The following HS3ST5 variants were observed in gnomAD, a reference collection of about 807,000 sequenced individuals.
HS3ST5 encodes heparan sulfate-glucosamine 3-sulfotransferase 5.
A neutral mutation model predicts 25.4 loss-of-function variants in HS3ST5; 10 were observed. That is an observed-to-expected ratio of 0.39 (90% CI 0.24 to 0.67). HS3ST5 has a LOEUF of 0.67. HS3ST5 is among the 30% of genes least tolerant of loss of function. HS3ST5 has a pLI of 0.44. For synonymous variants in HS3ST5, 170 were observed against 162.4 expected (o/e 1.05, Z -0.36); for missense variants, 324 against 420.7 (o/e 0.77, Z 2.01).
chr6:114,271,179 C>A (rs1156545527), intron 1 of HS3ST5, among the ~76,000 whole-genome samples: 3 of 152,078 alleles, frequency 2.0e-5, no homozygotes, highest in Non-Finnish European at 4.4e-5. Context: ...GTAGTTAAAA[C>A]CTGGCTTCCA....
At chr6:114,340,724 T>C (rs1222417090) in intron 1 of HS3ST5, 1 of 152,222 alleles carries the variant, frequency 6.6e-6, no homozygotes, top group Non-Finnish European at 1.5e-5. Context: ...CAATAAAACC[T>C]TTTTTAAAAA....
At chr6:114,288,898 C>T (rs1290927114) in intron 1 of HS3ST5, among the ~76,000 whole-genome samples, 1 of 152,076 alleles carries the variant, frequency 6.6e-6, no homozygotes, top group Non-Finnish European at 1.5e-5. Flanking sequence ...CTCATCTCTG[C>T]TTCCCACAAT....
chr6:114,085,779 A>G (rs1358121147), intron 3 of HS3ST5, among the ~76,000 whole-genome samples: 1 of 152,152 alleles, frequency 6.6e-6, no homozygotes, highest in Non-Finnish European at 1.5e-5. Flanking sequence ...ATATTTATAG[A>G]TTTAGACATA....
intron 1 of HS3ST5, among the ~76,000 whole-genome samples, chr6:114,319,995 C>A (rs1775900060): frequency 6.6e-6 from 1 of 151,860 alleles, no homozygotes; most frequent in Non-Finnish European, 1.5e-5. Flanking sequence ...CTTTTGTAAT[C>A]TTTCACTGGA....
intron 3 of HS3ST5, among the ~76,000 whole-genome samples, chr6:114,142,454 G>A (rs570330092): frequency 6.6e-6 from 1 of 152,290 alleles, no homozygotes; most frequent in South Asian, 2.1e-4. Context: ...GCTCACGAGT[G>A]AGTCATGGGA....
At chr6:114,074,142 T>G (rs1773985759) in intron 3 of HS3ST5, among the ~76,000 whole-genome samples, 1 of 151,708 alleles carries the variant, frequency 6.6e-6, no homozygotes, top group Non-Finnish European at 1.5e-5. Context: ...CATGGCCTGT[T>G]TGGGGGTAGG....
At chr6:114,149,053 A>G (rs1778314810) in intron 3 of HS3ST5, among the ~76,000 whole-genome samples, 1 of 152,198 alleles carries the variant, frequency 6.6e-6, no homozygotes, top group Non-Finnish European at 1.5e-5. Flanking sequence ...ACCAGTTAAA[A>G]TGGTGATTAT....
At chr6:114,116,989 TA>T (rs1776563172) in intron 3 of HS3ST5, among the ~76,000 whole-genome samples, 1 of 152,078 alleles carries the variant, frequency 6.6e-6, no homozygotes, top group Non-Finnish European at 1.5e-5. Context: ...CCTATTATTA[TA>T]GGGGAAGGGG....
chr6:114,219,149 T>G (rs530161098), intron 2 of HS3ST5, among the ~76,000 whole-genome samples: 1 of 152,368 alleles, frequency 6.6e-6, no homozygotes, highest in East Asian at 1.9e-4. Flanking sequence ...AAGGCACTAT[T>G]GCTACCTCAT....
intron 1 of HS3ST5, among the ~76,000 whole-genome samples, chr6:114,284,911 A>C (rs192648323): frequency 6.6e-6 from 1 of 152,098 alleles, no homozygotes; most frequent in African/African-American, 2.4e-5. Flanking sequence ...TCACACTAAA[A>C]TCTGGATTGA....
chr6:114,108,436 C>T (rs1582609127), intron 3 of HS3ST5, among the ~76,000 whole-genome samples: 1 of 152,246 alleles, frequency 6.6e-6, no homozygotes, highest in East Asian at 1.9e-4. Context: ...CAGAGGCACT[C>T]ACCTATGAAA....
At chr6:114,123,214 A>G (rs921752046) in intron 3 of HS3ST5, among the ~76,000 whole-genome samples, 11 of 152,150 alleles carry the variant, frequency 7.2e-5, no homozygotes, top group African/African-American at 2.7e-4. Context: ...TGACCTCCCA[A>G]AGTGCTGGGA....
At chr6:114,209,143 A>C (rs1009264295) in intron 2 of HS3ST5, among the ~76,000 whole-genome samples, 1 of 152,186 alleles carries the variant, frequency 6.6e-6, no homozygotes, top group Non-Finnish European at 1.5e-5. Flanking sequence ...TGCCAAACTA[A>C]AATGGGTATA....
intron 3 of HS3ST5, among the ~76,000 whole-genome samples, chr6:114,159,793 T>C (rs9488337): frequency 0.23 from 34,671 of 152,114 alleles, 4,118 homozygotes; most frequent in Middle Eastern, 0.3. Context: ...TGGGAAAAAT[T>C]TGTGAAATGC....
At chr6:114,315,800 ATTT>A in intron 1 of HS3ST5, among the ~76,000 whole-genome samples, 1 of 152,054 alleles carries the variant, frequency 6.6e-6, no homozygotes, top group Admixed American at 6.5e-5. Context: ...AAGAGAAAAA[ATTT>A]TTTTTCTTAT....
chr6:114,073,760 C>A (rs1254905592), intron 3 of HS3ST5, among the ~76,000 whole-genome samples: 1 of 152,086 alleles, frequency 6.6e-6, no homozygotes, highest in African/African-American at 2.4e-5. Flanking sequence ...GATCTAGAAC[C>A]AGAAATACCA....
At chr6:114,233,872 A>G (rs574833720) in intron 1 of HS3ST5, among the ~76,000 whole-genome samples, 11 of 152,342 alleles carry the variant, frequency 7.2e-5, no homozygotes, top group African/African-American at 2.4e-4. Flanking sequence ...ATCATTCCAA[A>G]TAAGAGAAAT....
intron 3 of HS3ST5, among the ~76,000 whole-genome samples, chr6:114,147,259 A>G (rs1174035853): frequency 6.6e-6 from 1 of 152,196 alleles, no homozygotes; most frequent in Non-Finnish European, 1.5e-5. Context: ...TGGGGTACGA[A>G]CTCAGATGAG....
At chr6:114,072,790 C>A (rs1412601199) in intron 3 of HS3ST5, among the ~76,000 whole-genome samples, 1 of 152,152 alleles carries the variant, frequency 6.6e-6, no homozygotes. Context: ...TGGAAAAAAA[C>A]TACTGTAAAT....
Sources: allele counts gnomAD v4.1 joint callset (sites outside exome capture counted in the v4.1 genomes callset), GRCh38; gene constraint gnomAD v4.1.1; transcripts MANE v1.5; gene names NCBI Gene and HGNC (gene_info 2026-07-23, HGNC 2026-07-21).